Variants in PLAT observed in about 807,000 individuals in gnomAD.
PLAT encodes plasminogen activator, tissue type.
Under a neutral mutation model 74.9 loss-of-function variants are expected in PLAT, and 48 were observed. The ratio of observed to expected loss-of-function variants is 0.64; its 90% CI spans 0.51 to 0.82. PLAT has a LOEUF of 0.82. Ranked by LOEUF, PLAT falls within the 40% of genes least tolerant of loss-of-function variation. The pLI, the probability that PLAT is intolerant of heterozygous loss-of-function variation, is 0.00. For synonymous variants in PLAT, 307 were observed against 294.4 expected (o/e 1.04, Z -0.44); for missense variants, 673 against 736.2 (o/e 0.91, Z 0.99).
rs751459889 is a variant in PLAT at position 42,180,567 on chromosome 8, G to A, written c.1008C>T (p.Pro336=). Residue 336 remains proline, a synonymous_variant, in exon 10 of 14, where the codon CCC becomes CCT. Transcript: ENST00000220809. ...TGCCCCCGCACAGGAACCGCTCTCC[G>A]GGCGACCTCCTGTGCTTGGCAAAGA... ...AAIFAKHRRS[P]GERFLCGGIL... The A allele has an allele frequency of 1.2e-5, 19 of 1,613,956 alleles. No homozygotes were observed. The highest frequency in any genetic ancestry group is 5.0e-5 in the Admixed American group (3 of 59,998).
Position 42,180,571 on chromosome 8 carries a change from G to A in PLAT, c.1004C>T (p.Ser335Leu), listed in dbSNP as rs576912866. ...QAAIFAKHRR[S>L]PGERFLCGGI... ...CCCGCACAGGAACCGCTCTCCGGGC[G>A]ACCTCCTGTGCTTGGCAAAGATGGC... Residue 335 changes from serine (S) to leucine (L), a missense_variant, in exon 10 of 14, where the codon TCG (serine) becomes TTG (leucine). Coordinates refer to ENST00000220809, the MANE Select transcript of PLAT (RefSeq NM_000930.5). The A allele has an allele frequency of 1.9e-6, 3 of 1,614,098 alleles. No homozygotes were observed. Among genetic ancestry groups the A allele is most frequent in the Non-Finnish European group, 2.5e-6 (3 of 1,179,976 alleles).
At chr8:42,187,114 T>C in intron 6 of PLAT, 1 of 248,188 alleles carries the variant, frequency 4.0e-6, no homozygotes, top group Non-Finnish European at 7.5e-6. Flanking sequence ...CAATCTATCA[T>C]CTATCTATCA....
At chr8:42,179,648 C>T (rs922309660) in intron 12 of PLAT, among the ~76,000 whole-genome samples, 2 of 152,196 alleles carry the variant, frequency 1.3e-5, no homozygotes, top group Non-Finnish European at 2.9e-5. Context: ...TCCCAGAACC[C>T]ACACGCTTAG....
At position 42,185,097 on chromosome 8, in the gene PLAT, G is replaced by C. The variant is rs543805076; in HGVS notation, c.615C>G (p.Thr205=). The part of the protein sequence containing the change: ...AGKYSSEFCS[T]PACSEGNSDC... The stretch of plus-strand genomic sequence containing the variant: ...GCCACTTACCCTCAGAGCAGGCAGG[G>C]GTGCTGCAGAACTCTGAGCTGTACT... Residue 205 remains threonine, a synonymous_variant, in exon 7 of 14, where the codon ACC becomes ACG. Transcript: ENST00000220809. 4 of 1,608,522 alleles carry C rather than the reference G, an allele frequency of 2.5e-6. No individual in the cohort carries two copies. The East Asian group carries it at 6.7e-5, about 27-fold the overall frequency.
In PLAT at chr8:42,180,288, G is replaced by C; in HGVS notation, c.1176C>G (p.Tyr392Ter). 2 of 1,614,194 alleles carry C rather than the reference G, an allele frequency of 1.2e-6. No homozygotes were observed. The change falls in exon 11 of 14, where the codon TAC becomes TAG. Residue 392 changes from tyrosine (Y) to a stop codon, truncating the protein, a stop_gained. Transcript: ENST00000220809. LOFTEE classifies it high-confidence loss of function. The part of the protein sequence containing the change: ...EEEQKFEVEK[Y>*]IVHKEFDDDT... ...CATCATCGAATTCCTTATGGACAATGTATTTTTCGACTTCAAATTTCTGCT... is the reference window on the plus strand; with the variant it reads ...CATCATCGAATTCCTTATGGACAATCTATTTTTCGACTTCAAATTTCTGCT...
chr8:42,201,154 T>C (rs970368127), intron 1 of PLAT, among the ~76,000 whole-genome samples: 2 of 152,192 alleles, frequency 1.3e-5, no homozygotes, highest in Admixed American at 6.5e-5. Context: ...GTGTTCCACA[T>C]GGTATACGAC....
At chr8:42,192,459 T>C (rs1437344310) in intron 2 of PLAT, among the ~76,000 whole-genome samples, 1 of 152,144 alleles carries the variant, frequency 6.6e-6, no homozygotes, top group Non-Finnish European at 1.5e-5. Flanking sequence ...GGCTTAAGCC[T>C]AGGAGTTTGG....
Position 42,175,963 on chromosome 8 carries a change from A to G in PLAT, c.*30T>C. On this transcript the variant is annotated 3_prime_UTR_variant, in exon 14 of 14. Transcript: ENST00000220809. ...TCTGAAGAAGAAGAGGCGGGATCTC[A>G]TTTGCTTTTGAGGAGTCGGGTGTTC... 1.2e-6 allele frequency: 2 copies of G among 1,610,350 alleles called. No individual in the cohort carries two copies. The highest frequency in any genetic ancestry group is 1.7e-4 in the Middle Eastern group (1 of 6,046).
intron 6 of PLAT, chr8:42,186,436 C>T (rs1242494699): frequency 6.6e-6 from 1 of 152,204 alleles, no homozygotes; most frequent in Admixed American, 6.5e-5. Context: ...CCTTTTGTCT[C>T]TTATCTACCT....
chr8:42,187,388 G>C lies in PLAT; in HGVS notation c.539+10C>G. On this transcript the variant is annotated intron_variant, in intron 6 of 13. Coordinates refer to ENST00000220809, the MANE Select transcript of PLAT (RefSeq NM_000930.5). ...ACAGGGGGAATCCCTCCTTGGGGAT[G>C]TGCCCTCACCTGCAGTAGTTGTGGT... 6.4e-7 allele frequency: 1 copy of C among 1,560,326 alleles called. No individual in the cohort carries two copies. The highest frequency in any genetic ancestry group is 8.7e-7 in the Non-Finnish European group (1 of 1,153,566).
Position 42,184,260 on chromosome 8 carries a change from A to G in PLAT, c.631+821T>C, listed in dbSNP as rs1805364748. ...CTGGCCCTATATATATTTAGAACTT[A>G]AAAAAAATCTTTCATAGTGCTGTGA... On this transcript the variant is annotated intron_variant, in intron 7 of 13. Transcript: ENST00000220809. Among the ~76,000 whole-genome samples the G allele has an allele frequency of 2.0e-5, 3 of 151,604 alleles. No individual in the cohort carries two copies. In the South Asian group the frequency reaches 6.3e-4, roughly 32 times the overall value.
Position 42,175,876 on chromosome 8 carries a change from G to A in PLAT, c.*117C>T, listed in dbSNP as rs1224431451. On this transcript the variant is annotated 3_prime_UTR_variant, in exon 14 of 14. Coordinates refer to ENST00000220809, the MANE Select transcript of PLAT (RefSeq NM_000930.5). ...TCCCTCTCCTGTAGGGTCTCGTCCC[G>A]CTTCTGCGGTGTGGTGGGTCTGGAG... The A allele has an allele frequency of 7.2e-6, 7 of 967,474 alleles. No individual in the cohort carries two copies. The highest frequency in any genetic ancestry group is 3.2e-5 in the African/African-American group (2 of 61,634). 59.9% of individuals were successfully genotyped at this position (967,474 alleles called of 1,614,324 possible). A position where few individuals can be genotyped will look rare whatever the true frequency, so the allele number is the denominator to read the frequency against.
chr8:42,188,278 TGA>T (rs1215210752), intron 4 of PLAT: 26 of 399,076 alleles, frequency 6.5e-5, no homozygotes, highest in Non-Finnish European at 1.2e-4. Flanking sequence ...AAGGATGATG[TGA>T]GTTAAAATAT....
chr8:42,183,032 T>C, intron 7 of PLAT, 142 bp from the exon 8 acceptor site: 1 of 600,636 alleles, frequency 1.7e-6, no homozygotes, highest in East Asian at 2.9e-5. Flanking sequence ...ACCTCACACT[T>C]CCCCTTTTGT....
chr8:42,180,281 G>T lies in PLAT; in HGVS notation c.1183C>A (p.His395Asn). Residue 395 changes from histidine to asparagine, a missense_variant, in exon 11 of 14, where the codon CAT (histidine) becomes AAT (asparagine). By Grantham distance (68) the His-to-Asn change is moderately conservative. Coordinates refer to ENST00000220809, the MANE Select transcript of PLAT (RefSeq NM_000930.5). ...TAAGTGTCATCATCGAATTCCTTAT[G>T]GACAATGTATTTTTCGACTTCAAAT... ...QKFEVEKYIV[H>N]KEFDDDTYDN... The T allele has an allele frequency of 6.2e-7, 1 of 1,614,196 alleles. No homozygotes were observed. The highest frequency in any genetic ancestry group is 8.5e-7 in the Non-Finnish European group (1 of 1,179,988).
At chr8:42,189,509 C>T (rs906561081) in intron 3 of PLAT, among the ~76,000 whole-genome samples, 1 of 151,714 alleles carries the variant, frequency 6.6e-6, no homozygotes. Flanking sequence ...CAGAGCAAGA[C>T]TCCATCTCAA....
At chr8:42,193,916 G>C (rs1301315298) in intron 1 of PLAT, among the ~76,000 whole-genome samples, 1 of 151,652 alleles carries the variant, frequency 6.6e-6, no homozygotes, top group Non-Finnish European at 1.5e-5. Flanking sequence ...GGGTTTCACC[G>C]TGTTAGCCAG....
chr8:42,193,960 C>T (rs1383017483), intron 1 of PLAT, among the ~76,000 whole-genome samples: 1 of 151,066 alleles, frequency 6.6e-6, no homozygotes, highest in East Asian at 1.9e-4. Context: ...GTGATCCGCT[C>T]GCCTTGGCCT....
rs150314986 is a variant in PLAT at position 42,190,878 on chromosome 8, A to G, written c.115+494T>C. ...GTTGGGACATCCCGGTTGGATCAAC[A>G]GAGGGAAATGGATACACAGGGATGT... On this transcript the variant is annotated intron_variant, in intron 3 of 13. Transcript: ENST00000220809. Among the ~76,000 whole-genome samples the G allele has an allele frequency of 4.7e-4, 71 of 152,328 alleles. 1 individual carries two copies. The East Asian group carries it at 7.4e-3, about 16-fold the overall frequency.
Sources: gnomAD v4.1 joint callset for allele counts (sites outside exome capture counted in the v4.1 genomes callset) on GRCh38, gnomAD v4.1.1 for gene constraint, MANE v1.5 for transcripts, NCBI Gene and HGNC (gene_info 2026-07-23, HGNC 2026-07-21) for gene names.